PIEZO2: variants seen among roughly 807,000 people sequenced by gnomAD.
PIEZO2 encodes the protein piezo type mechanosensitive ion channel component 2.
Under a neutral mutation model 337.3 loss-of-function variants are expected in PIEZO2, and 172 were observed. The ratio of observed to expected loss-of-function variants is 0.51; its 90% CI spans 0.45 to 0.58. The LOEUF (loss-of-function observed/expected upper bound fraction) is 0.58. PIEZO2 is among the 20% of genes least tolerant of loss of function. The probability of loss-of-function intolerance (pLI) is 0.00; values close to 1 mark genes in which losing one functional copy is unlikely to be tolerated. For synonymous variants in PIEZO2, 1,251 were observed against 1,228.5 expected, an observed-to-expected ratio of 1.02 and a Z score of -0.38; for missense variants, 3,028 against 3,391.3, an observed-to-expected ratio of 0.89 and a Z score of 2.66.
intron 1 of PIEZO2, among the ~76,000 whole-genome samples, chr18:11,122,103 G>T (rs2040044102): frequency 1.3e-5 from 2 of 152,182 alleles, no homozygotes; most frequent in Middle Eastern, 6.8e-3. Flanking sequence ...ACAGGCGCCT[G>T]CCACCATGCC....
At chr18:10,914,785 G>C (rs1391280342) in intron 3 of PIEZO2, among the ~76,000 whole-genome samples, 2 of 152,112 alleles carry the variant, frequency 1.3e-5, no homozygotes. Context: ...CCGGTCAACA[G>C]AATTGAAATG....
rs1365355885 is a variant in PIEZO2 at position 10,759,669 on chromosome 18, C to G, written c.3655+36G>C. 6.5e-7 allele frequency: 1 copy of G among 1,536,702 alleles called. No homozygotes were observed. Among genetic ancestry groups the G allele is most frequent in the Non-Finnish European group, 8.7e-7 (1 of 1,146,414 alleles). ...GCCGTCCGCTCAGTAATGGCTTCTT[C>G]TAAAAGTAGACGGCTCAAGGGAAGG... On this transcript the variant is annotated intron_variant, in intron 25 of 55. Coordinates refer to ENST00000674853, the MANE Select transcript of PIEZO2 (RefSeq NM_001378183.1). This position sits in a 1 kb window ranked among gnomAD's most constrained non-coding sequence, Gnocchi z 5.5.
At chr18:10,977,824 A>G (rs1170225101) in intron 3 of PIEZO2, among the ~76,000 whole-genome samples, 1 of 152,248 alleles carries the variant, frequency 6.6e-6, no homozygotes. Flanking sequence ...TACAAAAGTC[A>G]TAGACTGTAT....
Position 10,759,904 on chromosome 18 carries a change from A to G in PIEZO2, c.3456T>C (p.Cys1152=), listed in dbSNP as rs1164795003. 20 of 1,537,350 alleles carry G rather than the reference A, an allele frequency of 1.3e-5. No individual in the cohort carries two copies. The highest frequency in any genetic ancestry group is 1.7e-5 in the Non-Finnish European group (20 of 1,146,776). The change falls in exon 25 of 56, where the codon TGT becomes TGC. Residue 1152 remains cysteine (C), a synonymous_variant. Coordinates refer to ENST00000674853, the MANE Select transcript of PIEZO2 (RefSeq NM_001378183.1). The surrounding 1 kb of genome is among the most constrained non-coding windows in gnomAD (Gnocchi z 5.5). ...YFFYKFGLET[C]FLMSVNVIGQ... ...CAATGACGTTAACTGACATTAGGAAACAGGTCTGTGTAAAGATGAAAAGAG... is the reference window on the plus strand; with the variant it reads ...CAATGACGTTAACTGACATTAGGAAGCAGGTCTGTGTAAAGATGAAAAGAG...
chr18:10,774,065 GA>G, intron 18 of PIEZO2, 27 bp from the exon 19 acceptor site: 1 of 699,662 alleles, frequency 1.4e-6, no homozygotes, highest in Non-Finnish European at 2.6e-6. Flanking sequence ...AAATAGAAAG[GA>G]AAAAAAGGAG....
intron 4 of PIEZO2, among the ~76,000 whole-genome samples, chr18:10,909,684 G>A (rs1364592078): frequency 6.6e-6 from 1 of 152,146 alleles, no homozygotes; most frequent in African/African-American, 2.4e-5. Context: ...GTGGATAGGT[G>A]ACCTTTTTCT....
rs1020202935 is a variant in PIEZO2, at chr18:10,859,296, C to T, written c.493-2085G>A. Among the ~76,000 whole-genome samples the T allele has an allele frequency of 2.0e-5, 3 of 152,164 alleles. No homozygotes were observed. The highest frequency in any genetic ancestry group is 2.1e-4 in the South Asian group (1 of 4,826). ...GTGTCCCCAGGCCCGTGGCCACTTC[C>T]GCTCCCCTAGAGAACAATTCCCATC... On this transcript the variant is annotated intron_variant, in intron 5 of 55. Transcript: ENST00000674853. The surrounding 1 kb of genome is among the most constrained non-coding windows in gnomAD (Gnocchi z 4.9).
intron 36 of PIEZO2, among the ~76,000 whole-genome samples, chr18:10,730,616 CTTGGTA>C (rs2036724862): frequency 6.6e-6 from 1 of 152,100 alleles, no homozygotes; most frequent in African/African-American, 2.4e-5. Flanking sequence ...TTTCAAATAT[CTTGGTA>C]TAACGCTGAA....
Position 10,803,990 on chromosome 18 carries a change from T to C in PIEZO2, c.1085A>G (p.Gln362Arg). The C allele has an allele frequency of 6.5e-7, 1 of 1,537,356 alleles. No homozygotes were observed. The highest frequency in any genetic ancestry group is 8.7e-7 in the Non-Finnish European group (1 of 1,146,930). Residue 362 changes from glutamine to arginine, a missense_variant, in exon 9 of 56, where the codon CAG (glutamine) becomes CGG (arginine). Gln to Arg is a conservative substitution (Grantham distance 43). Transcript: ENST00000674853. ...GTCCTCTTCTTTGGTCCCCTCATCC[T>C]GCACCTGAAACACAGAAACAGGATC... The part of the protein sequence containing the change: ...IRIWLQEPLV[Q>R]DEGTKEEDKA...
chr18:10,989,801 C>A (rs1000909628), intron 2 of PIEZO2, among the ~76,000 whole-genome samples: 24 of 152,082 alleles, frequency 1.6e-4, no homozygotes, highest in African/African-American at 5.8e-4. Context: ...ATTTTACACC[C>A]CACAGATTAG....
In PIEZO2 at chr18:10,847,084, C is replaced by T. The variant is rs1271177043; in HGVS notation, c.917+8269G>A. ...TAGTAAAGTTCTGCTAGGTGCTCTGCCTAGAAAATAGCAGGGCCAAGGTTC... is the reference window on the plus strand; with the variant it reads ...TAGTAAAGTTCTGCTAGGTGCTCTGTCTAGAAAATAGCAGGGCCAAGGTTC... On this transcript the variant is annotated intron_variant, in intron 7 of 55. Coordinates refer to ENST00000674853, the MANE Select transcript of PIEZO2 (RefSeq NM_001378183.1). This position sits in a 1 kb window ranked among gnomAD's most constrained non-coding sequence, Gnocchi z 5.7. 6.6e-6 allele frequency among the ~76,000 whole-genome samples: 1 copy of T among 152,156 alleles called. No homozygotes were observed. The highest frequency in any genetic ancestry group is 1.9e-4 in the East Asian group (1 of 5,192).
intron 3 of PIEZO2, among the ~76,000 whole-genome samples, chr18:10,921,889 A>C (rs1167289293): frequency 6.6e-6 from 1 of 152,122 alleles, no homozygotes; most frequent in African/African-American, 2.4e-5. Flanking sequence ...AATAAACCCC[A>C]GTCTCCCATA....
intron 40 of PIEZO2, among the ~76,000 whole-genome samples, chr18:10,706,263 C>T (rs1371044152): frequency 2.0e-5 from 3 of 152,186 alleles, no homozygotes; most frequent in Non-Finnish European, 4.4e-5. Context: ...ATTGGCTATA[C>T]TGAACAACTG....
In PIEZO2 at chr18:11,018,191, A is replaced by ATGG. The variant is rs759749235; in HGVS notation, c.161-38534_161-38532dup. Among the ~76,000 whole-genome samples, 134 of 143,272 alleles carry ATGG rather than the reference A, an allele frequency of 9.4e-4. 1 individual carries two copies. In the East Asian group the frequency reaches 0.013, roughly 13 times the overall value. The allele number at this position is 143,272 out of a possible 152,430, so 94.0% of individuals were successfully genotyped here. A position where few individuals can be genotyped will look rare whatever the true frequency, so the allele number is the denominator to read the frequency against. On this transcript the variant is annotated intron_variant, in intron 2 of 55. Coordinates refer to ENST00000674853, the MANE Select transcript of PIEZO2 (RefSeq NM_001378183.1). ...CTCCGGTTCCTGCCTCAGTCATCGC[A>ATGG]TGGTGGTGGTGGTGGTGGTGGTGGT...
In PIEZO2 at chr18:10,671,464, G is replaced by A. The variant is rs2033770074; in HGVS notation, c.*63C>T. ...AACTAGAAATGCTTAGCTCTTATGAGAATATTGTGCTTTTAAAAAAAATTC... is the reference window on the plus strand; with the variant it reads ...AACTAGAAATGCTTAGCTCTTATGAAAATATTGTGCTTTTAAAAAAAATTC... On this transcript the variant is annotated 3_prime_UTR_variant, in exon 56 of 56. Coordinates refer to ENST00000674853, the MANE Select transcript of PIEZO2 (RefSeq NM_001378183.1). 3.3e-6 allele frequency: 5 copies of A among 1,507,728 alleles called. No individual in the cohort carries two copies. Among genetic ancestry groups the A allele is most frequent in the Non-Finnish European group, 4.5e-6 (5 of 1,113,408 alleles). The allele number at this position is 1,507,728 out of a possible 1,614,324, so 93.4% of individuals were successfully genotyped here. A position where few individuals can be genotyped will look rare whatever the true frequency, so the allele number is the denominator to read the frequency against.
rs899009255 is a variant in PIEZO2 at position 10,676,206 on chromosome 18, G to A, written c.8082-918C>T. On this transcript the variant is annotated intron_variant, in intron 53 of 55. Coordinates refer to ENST00000674853, the MANE Select transcript of PIEZO2 (RefSeq NM_001378183.1). The surrounding 1 kb of genome is among the most constrained non-coding windows in gnomAD (Gnocchi z 5.1). ...TTATCATCTGGGAGGTGATAGGAGA[G>A]GATCTGACAGTCTCCAAGGGCCCTT... Among the ~76,000 whole-genome samples, 8 of 152,142 alleles carry A rather than the reference G, an allele frequency of 5.3e-5. No individual in the cohort carries two copies. Among genetic ancestry groups the A allele is most frequent in the African/African-American group, 1.9e-4 (8 of 41,424 alleles).
At chr18:10,679,828 T>A (rs2143481092) in intron 52 of PIEZO2, among the ~76,000 whole-genome samples, 1 of 152,292 alleles carries the variant, frequency 6.6e-6, no homozygotes, top group Non-Finnish European at 1.5e-5. Context: ...GTAAGAAACA[T>A]TTGAAATTTA....
rs756549202 is a variant in PIEZO2, at chr18:10,691,247, C to G, written c.7327G>C (p.Val2443Leu). 3 of 1,613,756 alleles carry G rather than the reference C, an allele frequency of 1.9e-6. No individual in the cohort carries two copies. In the East Asian group the frequency reaches 6.7e-5, roughly 36 times the overall value. Reference sequence around the variant, plus strand: ...TACCCTTGGAATAAGAAGAGGTTGACGTAATTGTAGCTCTTGGTGAGGAAG... The same window carrying G: ...TACCCTTGGAATAAGAAGAGGTTGAGGTAATTGTAGCTCTTGGTGAGGAAG... ...GNFLTKSYNY[V>L]NLFLFQGFRL... is the part of the protein sequence containing the mutation. Residue 2443 changes from valine (V) to leucine (L), a missense_variant, in exon 48 of 56, where the codon GTC becomes CTC. Physicochemically the swap from Val to Leu is conservative, Grantham distance 32. Transcript: ENST00000674853.
intron 7 of PIEZO2, among the ~76,000 whole-genome samples, chr18:10,808,911 T>C (rs1230329590): frequency 3.3e-5 from 5 of 152,354 alleles, no homozygotes; most frequent in Non-Finnish European, 4.4e-5. Context: ...GCTCCACGCC[T>C]GGCACATATG....
Sources: allele counts gnomAD v4.1 joint callset (sites outside exome capture counted in the v4.1 genomes callset), GRCh38; gene constraint gnomAD v4.1.1; non-coding constraint Gnocchi (gnomAD v3.1); transcripts MANE v1.5; gene names NCBI Gene and HGNC (gene_info 2026-07-23, HGNC 2026-07-21).